The following DGKI variants were observed in gnomAD, a reference collection of about 807,000 sequenced individuals.
DGKI encodes diacylglycerol kinase iota.
Under a neutral mutation model 147.5 loss-of-function variants are expected in DGKI, and 55 were observed. That is an observed-to-expected ratio of 0.37 (90% CI 0.30 to 0.47). DGKI has a LOEUF of 0.47. Ranked by LOEUF, DGKI falls within the 20% of genes least tolerant of loss-of-function variation. DGKI has a pLI of 1.00. For synonymous variants in DGKI, 469 were observed against 477.1 expected, an observed-to-expected ratio of 0.98 and a Z score of 0.22; for missense variants, 1,007 against 1,323.8, an observed-to-expected ratio of 0.76 and a Z score of 3.71.
At chr7:137,811,634 G>A (rs1401619106) in intron 1 of DGKI, among the ~76,000 whole-genome samples, 1 of 152,138 alleles carries the variant, frequency 6.6e-6, no homozygotes, top group African/African-American at 2.4e-5. Flanking sequence ...TGATTGATCA[G>A]ACTTCTGAAG....
At chr7:137,440,786 C>A (rs945678862) in intron 28 of DGKI, among the ~76,000 whole-genome samples, 1 of 152,158 alleles carries the variant, frequency 6.6e-6, no homozygotes, top group African/African-American at 2.4e-5. Context: ...TTCTTAGTGA[C>A]CCTGATGCGC....
rs562617765 is a variant in DGKI at position 137,825,673 on chromosome 7, CACACACACACAT to C, written c.401+20777_401+20788del. 1.3e-3 allele frequency among the ~76,000 whole-genome samples: 192 copies of C among 151,512 alleles called. 5 individuals are homozygous for C. The East Asian group carries it at 0.024, about 19-fold the overall frequency. ...ACGCACTCACACACATACACACACT[CACACACACACAT>C]ACACACACACATACACATACACTCA... is the stretch of plus-strand genomic sequence containing the variant. On this transcript the variant is annotated intron_variant, in intron 1 of 32. Coordinates refer to ENST00000614521, the MANE Select transcript of DGKI (RefSeq NM_001321708.2).
chr7:137,639,718 G>A (rs937261721), intron 6 of DGKI, among the ~76,000 whole-genome samples: 1 of 152,208 alleles, frequency 6.6e-6, no homozygotes, highest in Non-Finnish European at 1.5e-5. Context: ...TATTTGCTGC[G>A]ATGACCAGGA....
chr7:137,694,260 T>C, intron 1 of DGKI, among the ~76,000 whole-genome samples: 1 of 149,380 alleles, frequency 6.7e-6, no homozygotes, highest in African/African-American at 2.5e-5. Context: ...GGGCGGAGCC[T>C]GCAGTGAGCG....
At chr7:137,607,262 G>A (rs912851288) in intron 10 of DGKI, among the ~76,000 whole-genome samples, 38 of 152,176 alleles carry the variant, frequency 2.5e-4, no homozygotes, top group African/African-American at 9.2e-4. Context: ...ACTGCAGTCT[G>A]AGCCACTCAA....
intron 28 of DGKI, among the ~76,000 whole-genome samples, chr7:137,426,387 C>A (rs1401657985): frequency 6.6e-6 from 1 of 152,136 alleles, no homozygotes; most frequent in African/African-American, 2.4e-5. Context: ...CCTAAAAGAG[C>A]TCCTGAAGGA....
intron 1 of DGKI, among the ~76,000 whole-genome samples, chr7:137,784,033 C>G (rs1796595603): frequency 6.6e-6 from 1 of 152,178 alleles, no homozygotes; most frequent in South Asian, 2.1e-4. Context: ...ATAAACCTCA[C>G]AGTACCTATA....
chr7:137,568,593 G>A (rs1295262416), intron 19 of DGKI, among the ~76,000 whole-genome samples: 1 of 152,198 alleles, frequency 6.6e-6, no homozygotes, highest in Non-Finnish European at 1.5e-5. Context: ...GGCAGTCGCT[G>A]TATTTATGTC....
At chr7:137,703,344 A>C (rs1310382915) in intron 1 of DGKI, among the ~76,000 whole-genome samples, 1 of 152,180 alleles carries the variant, frequency 6.6e-6, no homozygotes, top group Non-Finnish European at 1.5e-5. Context: ...CCCTCCTCCA[A>C]TGTGACATGA....
chr7:137,413,046 GA>G (rs1812220909), intron 28 of DGKI, among the ~76,000 whole-genome samples: 3 of 152,092 alleles, frequency 2.0e-5, no homozygotes, highest in Non-Finnish European at 2.9e-5. Flanking sequence ...AAGGTGGGTG[GA>G]TCATTTGAGG....
intron 3 of DGKI, among the ~76,000 whole-genome samples, chr7:137,673,584 C>T (rs1280257387): frequency 6.6e-6 from 1 of 152,174 alleles, no homozygotes; most frequent in Admixed American, 6.5e-5. Flanking sequence ...CAAAAAAAGG[C>T]AAAGTGATAT....
chr7:137,678,473 T>C, intron 3 of DGKI, 84 bp downstream of exon 3: 3 of 1,341,962 alleles, frequency 2.2e-6, no homozygotes, highest in South Asian at 2.4e-5. Flanking sequence ...CGTTCAAACC[T>C]CCCCTTGGAA....
At chr7:137,553,123 G>C (rs1287376782) in intron 19 of DGKI, among the ~76,000 whole-genome samples, 4 of 152,084 alleles carry the variant, frequency 2.6e-5, no homozygotes, top group Admixed American at 2.6e-4. Flanking sequence ...GCTCTTATAT[G>C]TTTCAAATCT....
At chr7:137,640,446 G>A (rs1051111037) in intron 6 of DGKI, among the ~76,000 whole-genome samples, 2 of 152,034 alleles carry the variant, frequency 1.3e-5, no homozygotes, top group African/African-American at 2.4e-5. Context: ...CTACCTACTC[G>A]TAATCCTCCT....
intron 1 of DGKI, among the ~76,000 whole-genome samples, chr7:137,794,725 T>C (rs867185821): frequency 1.3e-5 from 2 of 152,232 alleles, no homozygotes; most frequent in African/African-American, 2.4e-5. Flanking sequence ...TGTGTTCTGC[T>C]GGCTTTATCA....
At chr7:137,739,396 C>T (rs1218409368) in intron 1 of DGKI, among the ~76,000 whole-genome samples, 1 of 152,158 alleles carries the variant, frequency 6.6e-6, no homozygotes, top group Non-Finnish European at 1.5e-5. Flanking sequence ...AAATTCTAAA[C>T]CTCCTTCCAT....
At chr7:137,424,662 G>A (rs1812714085) in intron 28 of DGKI, among the ~76,000 whole-genome samples, 1 of 152,178 alleles carries the variant, frequency 6.6e-6, no homozygotes, top group Non-Finnish European at 1.5e-5. Flanking sequence ...GACGGCACCT[G>A]GAAAATCAGG....
intron 23 of DGKI, among the ~76,000 whole-genome samples, chr7:137,480,145 T>C (rs551581478): frequency 9.8e-5 from 15 of 152,286 alleles, no homozygotes; most frequent in African/African-American, 3.6e-4. Flanking sequence ...TCCAGTACTG[T>C]CTTCACTCGT....
chr7:137,547,642 A>C (rs1373108024), intron 20 of DGKI, among the ~76,000 whole-genome samples: 1 of 152,130 alleles, frequency 6.6e-6, no homozygotes. Flanking sequence ...TCGCTGATGC[A>C]AGATGTGACT....
Sources: allele counts gnomAD v4.1 joint callset (sites outside exome capture counted in the v4.1 genomes callset), GRCh38; gene constraint gnomAD v4.1.1; transcripts MANE v1.5; gene names NCBI Gene and HGNC (gene_info 2026-07-23, HGNC 2026-07-21).